SGMS1: variants seen among roughly 807,000 people sequenced by gnomAD.
SGMS1 encodes the protein phosphatidylcholine:ceramide cholinephosphotransferase 1.
SGMS1 carries 13 observed loss-of-function variants against 46.2 expected under a neutral mutation model. The ratio of observed to expected loss-of-function variants is 0.28; its 90% CI spans 0.18 to 0.45. The LOEUF is 0.45. Ranked by LOEUF, SGMS1 falls within the 20% of genes least tolerant of loss-of-function variation. The pLI is 1.00. For synonymous variants in SGMS1, 203 were observed against 187.8 expected, an observed-to-expected ratio of 1.08 and a Z score of -0.66; for missense variants, 324 against 519.9, an observed-to-expected ratio of 0.62 and a Z score of 3.66.
intron 3 of SGMS1, among the ~76,000 whole-genome samples, chr10:50,499,375 TAAAG>T (rs1176584587): frequency 6.6e-6 from 1 of 152,162 alleles, no homozygotes; most frequent in Non-Finnish European, 1.5e-5. Flanking sequence ...AAGAAGCACT[TAAAG>T]AAAGACAGAT....
At chr10:50,540,624 A>T (rs1838043595) in intron 2 of SGMS1, among the ~76,000 whole-genome samples, 1 of 152,212 alleles carries the variant, frequency 6.6e-6, no homozygotes, top group Non-Finnish European at 1.5e-5. Flanking sequence ...AAAAAGAGAG[A>T]GGAAAGTGGA....
intron 2 of SGMS1, among the ~76,000 whole-genome samples, chr10:50,557,220 A>G (rs905281223): frequency 2.0e-5 from 3 of 152,216 alleles, no homozygotes; most frequent in African/African-American, 7.2e-5. Context: ...ACTTAGTATC[A>G]CTTATTTATT....
At chr10:50,458,181 G>A (rs1468715513) in intron 5 of SGMS1, among the ~76,000 whole-genome samples, 1 of 152,130 alleles carries the variant, frequency 6.6e-6, no homozygotes, top group African/African-American at 2.4e-5. Context: ...TGTTTAGGAC[G>A]GCCCTTGTTT....
intron 6 of SGMS1, among the ~76,000 whole-genome samples, chr10:50,388,471 TAA>T (rs56992240): frequency 0.079 from 6,731 of 84,932 alleles, 399 homozygotes; most frequent in African/African-American, 0.21. Flanking sequence ...CTGTCTCTAC[TAA>T]AAAAAAAAAA....
intron 6 of SGMS1, among the ~76,000 whole-genome samples, chr10:50,426,608 T>C (rs34672995): frequency 0.18 from 27,448 of 152,204 alleles, 2,859 homozygotes; most frequent in Admixed American, 0.24. Flanking sequence ...TGGTCCAAGA[T>C]GTGGCTTTAA....
intron 6 of SGMS1, among the ~76,000 whole-genome samples, chr10:50,367,828 C>T (rs1848371838): frequency 6.6e-6 from 1 of 152,170 alleles, no homozygotes; most frequent in East Asian, 1.9e-4. Flanking sequence ...GTTAAAAGCA[C>T]CAAAGTTTGG....
intron 2 of SGMS1, among the ~76,000 whole-genome samples, chr10:50,580,926 A>G (rs1397609183): frequency 2.0e-5 from 3 of 152,176 alleles, no homozygotes; most frequent in Non-Finnish European, 4.4e-5. Flanking sequence ...GTGTGTTTTT[A>G]CTACAATATG....
chr10:50,386,391 G>A (rs1848682726), intron 6 of SGMS1, among the ~76,000 whole-genome samples: 2 of 152,128 alleles, frequency 1.3e-5, no homozygotes, highest in South Asian at 4.1e-4. Context: ...ATCCTTATGG[G>A]TTGAAGTAAT....
chr10:50,500,308 C>A (rs537820272), intron 3 of SGMS1, among the ~76,000 whole-genome samples: 3 of 152,256 alleles, frequency 2.0e-5, no homozygotes, highest in Admixed American at 6.5e-5. Context: ...AATCACTTAA[C>A]CCAAACTGCC....
chr10:50,543,667 A>G (rs545023588), intron 2 of SGMS1, among the ~76,000 whole-genome samples: 3 of 152,364 alleles, frequency 2.0e-5, no homozygotes, highest in African/African-American at 7.2e-5. Flanking sequence ...GGAAGTAGAC[A>G]GGAACTTCCT....
At chr10:50,484,799 T>C (rs186443488) in intron 3 of SGMS1, among the ~76,000 whole-genome samples, 9 of 152,238 alleles carry the variant, frequency 5.9e-5, no homozygotes, top group Admixed American at 3.3e-4. Context: ...AAAAACCACA[T>C]GATTATATCA....
rs186801736 is a variant in SGMS1 at position 50,415,471 on chromosome 10, C to T, written c.-232+18005G>A. Among the ~76,000 whole-genome samples, 12 of 152,300 alleles carry T rather than the reference C, an allele frequency of 7.9e-5. No homozygotes were observed. In the East Asian group the frequency reaches 2.1e-3, roughly 27 times the overall value. On this transcript the variant is annotated intron_variant, in intron 6 of 10. Coordinates refer to ENST00000361781, the MANE Select transcript of SGMS1 (RefSeq NM_147156.4). ...CCAAGTGGTTTTATCATCACACTGGCATGTTCTTTCAACATGCTCAAGAAT... is the reference window on the plus strand; with the variant it reads ...CCAAGTGGTTTTATCATCACACTGGTATGTTCTTTCAACATGCTCAAGAAT...
At chr10:50,596,207 G>A (rs150063949) in intron 1 of SGMS1, among the ~76,000 whole-genome samples, 1,841 of 132,134 alleles carry the variant, frequency 0.014, 28 homozygotes, top group African/African-American at 0.046. Context: ...ACAGAGTTTC[G>A]CTCTTGTTGC....
intron 3 of SGMS1, among the ~76,000 whole-genome samples, chr10:50,507,269 T>C (rs1217926504): frequency 6.6e-6 from 1 of 152,148 alleles, no homozygotes; most frequent in Admixed American, 6.5e-5. Context: ...AAAGTACCAT[T>C]TAGAGTTGAG....
intron 6 of SGMS1, among the ~76,000 whole-genome samples, chr10:50,400,752 C>T (rs1290244357): frequency 2.6e-5 from 4 of 152,142 alleles, no homozygotes; most frequent in African/African-American, 9.7e-5. Flanking sequence ...ACCACAAGTG[C>T]TGACTGTTCC....
upstream of SGMS1, chr10:50,624,133 T>G: frequency 4.1e-6 from 4 of 985,266 alleles, no homozygotes; most frequent in East Asian, 1.1e-4. Flanking sequence ...TTGGGCCCCT[T>G]GAATTTTACT....
intron 2 of SGMS1, among the ~76,000 whole-genome samples, chr10:50,577,189 G>T (rs1838392928): frequency 6.6e-6 from 1 of 152,164 alleles, no homozygotes; most frequent in African/African-American, 2.4e-5. Context: ...TGCACTTGTG[G>T]CAGAGGCAAC....
intron 3 of SGMS1, among the ~76,000 whole-genome samples, chr10:50,491,369 A>G (rs545394338): frequency 6.6e-6 from 1 of 152,290 alleles, no homozygotes; most frequent in East Asian, 1.9e-4. Context: ...ATAAATAAAT[A>G]AGAATAAGCA....
intron 3 of SGMS1, among the ~76,000 whole-genome samples, chr10:50,509,910 G>T (rs1176692056): frequency 3.3e-5 from 5 of 152,104 alleles, no homozygotes; most frequent in African/African-American, 1.2e-4. Flanking sequence ...ACTTAATAAG[G>T]TATAATTTGC....
Sources: gnomAD v4.1 joint callset for allele counts (sites outside exome capture counted in the v4.1 genomes callset) on GRCh38, gnomAD v4.1.1 for gene constraint, MANE v1.5 for transcripts, NCBI Gene and HGNC (gene_info 2026-07-23, HGNC 2026-07-21) for gene names.